Variants in ANKS1A observed in about 807,000 individuals in gnomAD.
The protein encoded by ANKS1A is ankyrin repeat and sterile alpha motif domain containing 1A, also known as ankyrin repeat and SAM domain-containing protein 1A.
A neutral mutation model predicts 120.3 loss-of-function variants in ANKS1A; 55 were observed. The observed-to-expected ratio is 0.46, with a 90% confidence interval of 0.37 to 0.57. The LOEUF (loss-of-function observed/expected upper bound fraction) is 0.57. Among genes scored for constraint, ANKS1A ranks in the 20% least tolerant of loss-of-function variants. The pLI is 0.00. For missense variants in ANKS1A, 1,123 were observed against 1,480.3 expected (o/e 0.76, Z 3.96); for synonymous variants, 590 against 604.7 (o/e 0.98, Z 0.36).
chr6:35,053,808 A>T (rs571754429), intron 11 of ANKS1A, among the ~76,000 whole-genome samples: 17 of 152,334 alleles, frequency 1.1e-4, no homozygotes, highest in Admixed American at 3.3e-4. Context: ...ACTGCTGGGG[A>T]GTGACATAGA....
chr6:35,090,192 A>G lies in ANKS1A; in HGVS notation c.*1583A>G, dbSNP rs1581772952. The G allele has an allele frequency of 1.6e-6, 2 of 1,289,376 alleles. No homozygotes were observed. The highest frequency in any genetic ancestry group is 3.0e-5 in the African/African-American group (2 of 65,964). 79.9% of individuals were successfully genotyped at this position (1,289,376 alleles called of 1,614,324 possible). ...CTTGGTACTAAACGAAGATCTCGAC[A>G]CCTTGCAGTTTTACTTCATTTCCTG... is the stretch of plus-strand genomic sequence containing the variant. On this transcript the variant is annotated 3_prime_UTR_variant, in exon 24 of 24. Transcript: ENST00000360359.
intron 1 of ANKS1A, among the ~76,000 whole-genome samples, chr6:34,941,469 T>C (rs1376681125): frequency 6.6e-6 from 1 of 152,142 alleles, no homozygotes; most frequent in African/African-American, 2.4e-5. Flanking sequence ...GATTTAGCTA[T>C]GTTGCCTAGG....
intron 1 of ANKS1A, among the ~76,000 whole-genome samples, chr6:34,918,912 C>T (rs1010300641): frequency 6.6e-6 from 1 of 152,112 alleles, no homozygotes; most frequent in Non-Finnish European, 1.5e-5. Context: ...AGTGCAGTGG[C>T]GCCATCTTGG....
At position 34,889,292 on chromosome 6, in the gene ANKS1A, G is replaced by C; in HGVS notation, c.-111G>C. ...GTGGGGAAAAGGCAGGGAGGGGGTG[G>C]TGTCCCCAGCCGGTTTGGGGGGTGC... On this transcript the variant is annotated 5_prime_UTR_variant, in exon 1 of 24. Coordinates refer to ENST00000360359, the MANE Select transcript of ANKS1A (RefSeq NM_015245.3). This position sits in a 1 kb window ranked among gnomAD's most constrained non-coding sequence, Gnocchi z 5.5. The C allele has an allele frequency of 8.3e-7, 1 of 1,211,776 alleles. No homozygotes were observed. Among genetic ancestry groups the C allele is most frequent in the African/African-American group, 1.6e-5 (1 of 63,642 alleles). The allele number at this position is 1,211,776 out of a possible 1,614,324, so 75.1% of individuals were successfully genotyped here.
intron 12 of ANKS1A, among the ~76,000 whole-genome samples, chr6:35,055,624 G>A (rs1463764593): frequency 3.9e-5 from 6 of 152,144 alleles, no homozygotes; most frequent in Non-Finnish European, 4.4e-5. Flanking sequence ...CACCACACCC[G>A]GCCCTGTGTT....
At chr6:34,993,714 C>G (rs2127538008) in intron 9 of ANKS1A, among the ~76,000 whole-genome samples, 1 of 152,248 alleles carries the variant, frequency 6.6e-6, no homozygotes, top group African/African-American at 2.4e-5. Context: ...AGTTGGAAGT[C>G]ATTTTGGTTT....
chr6:35,072,054 G>A (rs538217454), intron 13 of ANKS1A, among the ~76,000 whole-genome samples: 4 of 152,394 alleles, frequency 2.6e-5, no homozygotes, highest in African/African-American at 9.6e-5. Context: ...TTTGTTGAAT[G>A]AAGACCTCAC....
intron 1 of ANKS1A, among the ~76,000 whole-genome samples, chr6:34,941,923 C>T (rs1235122866): frequency 6.6e-6 from 1 of 152,156 alleles, no homozygotes; most frequent in African/African-American, 2.4e-5. Flanking sequence ...AGATCCAGCA[C>T]CTCTAGGAGC....
At chr6:35,035,310 G>A (rs1432585470) in intron 11 of ANKS1A, among the ~76,000 whole-genome samples, 4 of 152,218 alleles carry the variant, frequency 2.6e-5, no homozygotes, top group Non-Finnish European at 4.4e-5. Context: ...CAGCCATCTG[G>A]TTGAAGTAGG....
chr6:35,043,041 C>A (rs1232610669), intron 11 of ANKS1A, among the ~76,000 whole-genome samples: 1 of 152,078 alleles, frequency 6.6e-6, no homozygotes, highest in Non-Finnish European at 1.5e-5. Flanking sequence ...GAGGATTCCC[C>A]CTGCTTTTGC....
intron 1 of ANKS1A, among the ~76,000 whole-genome samples, chr6:34,935,745 G>A (rs546172433): frequency 2.0e-5 from 3 of 152,290 alleles, no homozygotes; most frequent in East Asian, 3.9e-4. Context: ...AAGAAAGAGG[G>A]TACAAATTAC....
At chr6:34,990,490 C>G (rs989565126) in intron 9 of ANKS1A, among the ~76,000 whole-genome samples, 5 of 91,310 alleles carry the variant, frequency 5.5e-5, no homozygotes, top group Non-Finnish European at 9.8e-5. Flanking sequence ...TTACCCCCCT[C>G]CTTTTTTTTT....
chr6:34,950,602 A>G (rs1770046189), intron 1 of ANKS1A, among the ~76,000 whole-genome samples: 1 of 152,152 alleles, frequency 6.6e-6, no homozygotes, highest in Non-Finnish European at 1.5e-5. Context: ...GACAAGGGCA[A>G]GTGGGGATTG....
chr6:35,045,272 A>G lies in ANKS1A; in HGVS notation c.2011-8827A>G, dbSNP rs145652910. ...AGGGCTGCACTCAGACCTCTTGTAC[A>G]TTGTCTCAGATCTTTACAGCAGGCC... On this transcript the variant is annotated intron_variant, in intron 11 of 23. Transcript: ENST00000360359. Among the ~76,000 whole-genome samples the G allele has an allele frequency of 4.1e-3, 622 of 152,248 alleles. 5 individuals are homozygous for G. Among genetic ancestry groups the G allele is most frequent in the Non-Finnish European group, 6.5e-3 (439 of 68,006 alleles).
At chr6:35,014,648 A>G (rs1002741402) in intron 10 of ANKS1A, among the ~76,000 whole-genome samples, 2 of 152,168 alleles carry the variant, frequency 1.3e-5, no homozygotes, top group African/African-American at 4.8e-5. Flanking sequence ...GCTGGCCCCC[A>G]GTTCTGAGCT....
At chr6:34,939,340 CAAT>C (rs1437218150) in intron 1 of ANKS1A, among the ~76,000 whole-genome samples, 5 of 152,192 alleles carry the variant, frequency 3.3e-5, no homozygotes, top group Admixed American at 1.3e-4. Flanking sequence ...CAAGTCTTCT[CAAT>C]AAATTTACTT....
chr6:34,928,488 G>A (rs1463012472), intron 1 of ANKS1A, among the ~76,000 whole-genome samples: 1 of 152,112 alleles, frequency 6.6e-6, no homozygotes, highest in Non-Finnish European at 1.5e-5. Flanking sequence ...ATTGAGTTAA[G>A]GACCTTATCC....
chr6:35,014,333 C>T (rs1773904693), intron 10 of ANKS1A, among the ~76,000 whole-genome samples: 1 of 152,088 alleles, frequency 6.6e-6, no homozygotes, highest in African/African-American at 2.4e-5. Context: ...AATTTCTTTC[C>T]ATCATTTCTT....
At chr6:35,032,554 C>T (rs1774961207) in intron 11 of ANKS1A, among the ~76,000 whole-genome samples, 1 of 152,138 alleles carries the variant, frequency 6.6e-6, no homozygotes, top group African/African-American at 2.4e-5. Context: ...TTAAGGGCCT[C>T]AGAAAGATGT....
Sources: gnomAD v4.1 joint callset for allele counts (sites outside exome capture counted in the v4.1 genomes callset) on GRCh38, gnomAD v4.1.1 for gene constraint, Gnocchi (gnomAD v3.1) non-coding constraint, MANE v1.5 for transcripts, NCBI Gene and HGNC (gene_info 2026-07-23, HGNC 2026-07-21) for gene names.